The following FAM199X variants were observed in gnomAD, a reference collection of about 807,000 sequenced individuals.
The protein encoded by FAM199X is protein FAM199X.
A neutral mutation model predicts 22.9 loss-of-function variants in FAM199X; 4 were observed. The ratio of observed to expected loss-of-function variants is 0.17; its 90% confidence interval spans 0.09 to 0.40. FAM199X has a LOEUF of 0.40. FAM199X is among the 10% of genes least tolerant of loss of function. FAM199X has a pLI of 1.00. For synonymous variants in FAM199X, 101 were observed against 112.3 expected (o/e 0.90, Z 0.64); for missense variants, 183 against 306.8 (o/e 0.60, Z 3.01).
chrX:104,158,980 G>A, the FAM199X span, among the ~76,000 whole-genome samples: 10 of 111,993 alleles, frequency 8.9e-5, no homozygotes, highest in African/African-American at 3.2e-4. Context: ...AACACCCAAC[G>A]ATAGCACACA....
chrX:104,180,311 T>A (rs1173613499), intron 2 of FAM199X, among the ~76,000 whole-genome samples: 5 of 101,657 alleles, frequency 4.9e-5, no homozygotes, highest in African/African-American at 1.8e-4. Flanking sequence ...TTTTTTTTTC[T>A]CAGTACAGAC....
At chrX:104,176,959 T>G (rs1419675616) in intron 2 of FAM199X, among the ~76,000 whole-genome samples, 1 of 111,910 alleles carries the variant, frequency 8.9e-6, no homozygotes, top group Non-Finnish European at 1.9e-5. Context: ...ATTAAAACAT[T>G]TTTAAACTTT....
Position 104,189,990 on chromosome X carries a change from A to C in FAM199X, c.*212A>C, listed in dbSNP as rs1921897281. On this transcript the variant is annotated 3_prime_UTR_variant, in exon 6 of 6. Transcript: ENST00000493442. ...GCATACTAGTGGGCCCCGCCCCCAG[A>C]CATAGTGAATCAGAAACCAACAGGG... The C allele has an allele frequency of 2.7e-6, 1 of 376,925 alleles. No homozygotes were observed. Among genetic ancestry groups the C allele is most frequent in the African/African-American group, 2.6e-5 (1 of 38,823 alleles). The allele number at this position is 376,925 out of a possible 1,213,427, so 31.1% of individuals were successfully genotyped here.
rs781855340 is a variant in FAM199X at position 104,173,298 on chromosome X, G to A, written c.198-2325G>A. Among the ~76,000 whole-genome samples, 13 of 111,897 alleles carry A rather than the reference G, an allele frequency of 1.2e-4. No homozygotes were observed. The South Asian group carries it at 1.9e-3, about 16-fold the overall frequency. On this transcript the variant is annotated intron_variant, in intron 1 of 5. Coordinates refer to ENST00000493442, the MANE Select transcript of FAM199X (RefSeq NM_207318.4). ...GATACTGTTCACCTAGCGAGCATGT[G>A]ATGAAAGTAATATTACAAGATATTC...
At chrX:104,165,399 T>C (rs186127812), upstream of FAM199X, among the ~76,000 whole-genome samples, 42 of 111,934 alleles carry the variant, frequency 3.8e-4, no homozygotes, top group Non-Finnish European at 5.8e-4. Flanking sequence ...CTGCCCTCTT[T>C]CTCTTCTTCC....
intron 5 of FAM199X, 44 bp downstream of exon 5, chrX:104,188,350 C>T: frequency 8.6e-7 from 1 of 1,161,846 alleles, no homozygotes; most frequent in Non-Finnish European, 1.2e-6. Context: ...TCAATATTAA[C>T]ATTAGTACTC....
At position 104,188,602 on chromosome X, in the gene FAM199X, C is replaced by T. The variant is rs145663527; in HGVS notation, c.996+296C>T. Among the ~76,000 whole-genome samples the T allele has an allele frequency of 2.8e-4, 31 of 112,187 alleles. 1 individual carries two copies. The highest frequency in any genetic ancestry group is 9.7e-4 in the African/African-American group (30 of 30,901). ...ATTCTCAAGATTGCAATATTGACTGCAACTCACTACTGAGCGAATCTCACT... is the reference window on the plus strand; with the variant it reads ...ATTCTCAAGATTGCAATATTGACTGTAACTCACTACTGAGCGAATCTCACT... On this transcript the variant is annotated intron_variant, in intron 5 of 5. Coordinates refer to ENST00000493442, the MANE Select transcript of FAM199X (RefSeq NM_207318.4).
At chrX:104,180,792 TA>T (rs1291415292) in intron 2 of FAM199X, among the ~76,000 whole-genome samples, 27 of 112,412 alleles carry the variant, frequency 2.4e-4, no homozygotes, top group Non-Finnish European at 4.7e-4. Context: ...TTACTATAGT[TA>T]AAAAATTTGT....
rs1159404953 is a variant in FAM199X at position 104,187,362 on chromosome X, G to C, written c.730-678G>C. Among the ~76,000 whole-genome samples the C allele has an allele frequency of 2.7e-5, 3 of 112,026 alleles. No homozygotes were observed. In the Admixed American group the frequency reaches 2.8e-4, roughly 11 times the overall value. The stretch of plus-strand genomic sequence containing the variant: ...CTCCCAAAGTGCTGGGATTACAGGC[G>C]TGAGCCGCTGCACCTGGCCTCTGGT... On this transcript the variant is annotated intron_variant, in intron 4 of 5. Coordinates refer to ENST00000493442, the MANE Select transcript of FAM199X (RefSeq NM_207318.4).
intron 2 of FAM199X, among the ~76,000 whole-genome samples, chrX:104,185,062 A>ATTTTTT (rs782075983): frequency 1.3e-5 from 1 of 77,954 alleles, no homozygotes; most frequent in African/African-American, 5.3e-5. Flanking sequence ...AGGCATGATA[A>ATTTTTT]TTTTTTTTTT....
chrX:104,178,547 C>T (rs1216473676), intron 2 of FAM199X, among the ~76,000 whole-genome samples: 3 of 111,574 alleles, frequency 2.7e-5, no homozygotes, highest in African/African-American at 9.8e-5. Flanking sequence ...TCCTGAGTAT[C>T]TGGGACTACA....
At chrX:104,160,649 A>G in the FAM199X span, among the ~76,000 whole-genome samples, 1 of 112,576 alleles carries the variant, frequency 8.9e-6, no homozygotes, top group Non-Finnish European at 1.9e-5. Flanking sequence ...TAATAAAAAC[A>G]TATCCTAATT....
chrX:104,189,365 T>C (rs1258490212), intron 5 of FAM199X, among the ~76,000 whole-genome samples: 1 of 111,642 alleles, frequency 9.0e-6, no homozygotes, highest in African/African-American at 3.3e-5. Context: ...TATCTATCAC[T>C]AGCCAAAATG....
At chrX:104,166,423 C>T (rs1445478722), upstream of FAM199X, among the ~76,000 whole-genome samples, 1 of 112,324 alleles carries the variant, frequency 8.9e-6, no homozygotes, top group Non-Finnish European at 1.9e-5. Flanking sequence ...CCGCCCTTCC[C>T]CTCCTTGCGG....
intron 2 of FAM199X, among the ~76,000 whole-genome samples, chrX:104,177,684 G>A (rs868974252): frequency 1.8e-5 from 2 of 111,673 alleles, no homozygotes; most frequent in African/African-American, 3.3e-5. Flanking sequence ...ATTTCATTAT[G>A]GTTTTGAGCA....
rs781873275 is a variant in FAM199X at position 104,169,816 on chromosome X, C to T, written c.197+2834C>T. 2.7e-5 allele frequency among the ~76,000 whole-genome samples: 3 copies of T among 112,172 alleles called. No individual in the cohort carries two copies. The South Asian group carries it at 1.1e-3, about 42-fold the overall frequency. On this transcript the variant is annotated intron_variant, in intron 1 of 5. Coordinates refer to ENST00000493442, the MANE Select transcript of FAM199X (RefSeq NM_207318.4). Reference sequence around the variant, plus strand: ...CTCCAGACCTCAGGTGGTCCACCCACGTTGGCCTCCCAAAGTGCTGGGATT... The same window carrying T: ...CTCCAGACCTCAGGTGGTCCACCCATGTTGGCCTCCCAAAGTGCTGGGATT...
chrX:104,193,336 A>AT lies in FAM199X; in HGVS notation c.*3565dup, dbSNP rs782475262. 5 of 111,594 alleles carry AT rather than the reference A, an allele frequency of 4.5e-5. No individual in the cohort carries two copies. Among genetic ancestry groups the AT allele is most frequent in the African/African-American group, 9.7e-5 (3 of 30,813 alleles). The allele number at this position is 111,594 out of a possible 1,213,427, so 9.2% of individuals were successfully genotyped here. A position where few individuals can be genotyped will look rare whatever the true frequency, so the allele number is the denominator to read the frequency against. ...AGTTATCTAAAGTATGGCTTAATGT[A>AT]TTTTTTTCCCTCTGAAAAAGATCAT... is the stretch of plus-strand genomic sequence containing the variant. On this transcript the variant is annotated 3_prime_UTR_variant, in exon 6 of 6. Coordinates refer to ENST00000493442, the MANE Select transcript of FAM199X (RefSeq NM_207318.4).
the FAM199X span, among the ~76,000 whole-genome samples, chrX:104,161,423 G>A: frequency 8.9e-6 from 1 of 112,271 alleles, no homozygotes; most frequent in African/African-American, 3.2e-5. Context: ...TGTAACAATG[G>A]CTAAACAAAG....
intron 2 of FAM199X, among the ~76,000 whole-genome samples, chrX:104,178,615 T>C (rs1421511692): frequency 8.9e-6 from 1 of 111,781 alleles, no homozygotes; most frequent in African/African-American, 3.3e-5. Flanking sequence ...GGTATCCAGT[T>C]GTCCCAGCAC....
Sources: allele counts gnomAD v4.1 joint callset (sites outside exome capture counted in the v4.1 genomes callset), GRCh38; gene constraint gnomAD v4.1.1; transcripts MANE v1.5; gene names NCBI Gene and HGNC (gene_info 2026-07-23, HGNC 2026-07-21).